VEPH1: variants seen among roughly 807,000 people sequenced by gnomAD.
The protein encoded by VEPH1 is ventricular zone-expressed PH domain-containing protein homolog 1.
Under a neutral mutation model 85.2 loss-of-function variants are expected in VEPH1, and 80 were observed. That is an observed-to-expected ratio of 0.94 (90% CI 0.78 to 1.13). The LOEUF (loss-of-function observed/expected upper bound fraction) is 1.13, where lower values mean the gene tolerates loss of function less well. Among genes scored for constraint, VEPH1 ranks in the 50% most tolerant of loss-of-function variants. The pLI is 0.00. For missense variants in VEPH1, 955 were observed against 980.5 expected, an observed-to-expected ratio of 0.97 and a Z score of 0.35; for synonymous variants, 297 against 348.0, an observed-to-expected ratio of 0.85 and a Z score of 1.63.
rs766374612 is a variant in VEPH1, at chr3:157,428,349, A to G, written c.669T>C (p.His223=). ...PEQYHLLRLL[H]VAAKKKQLEV... ...CGAGTTGTTTTTTCTTTGCTGCTAC[A>G]TGCAAAAGCCGTAGTAGATGGTACT... The change falls in exon 5 of 14, where the codon CAT becomes CAC. Residue 223 remains histidine (H), a synonymous_variant. Transcript: ENST00000362010. The G allele has an allele frequency of 1.9e-6, 3 of 1,614,044 alleles. No individual in the cohort carries two copies. The highest frequency in any genetic ancestry group is 2.2e-5 in the East Asian group (1 of 44,892).
At chr3:157,313,545 G>C (rs1479448498) in intron 11 of VEPH1, 76 bp downstream of exon 11, 6 of 1,491,862 alleles carry the variant, frequency 4.0e-6, no homozygotes, top group Non-Finnish European at 5.4e-6. Context: ...AAATTTAATT[G>C]CTAAAAAAAA....
chr3:157,416,705 C>T (rs1731937213), intron 5 of VEPH1, among the ~76,000 whole-genome samples: 1 of 151,850 alleles, frequency 6.6e-6, no homozygotes, highest in Admixed American at 6.6e-5. Context: ...TGATACGTCC[C>T]AAGCTACACA....
intron 1 of VEPH1, among the ~76,000 whole-genome samples, chr3:157,500,578 C>T (rs1329833934): frequency 6.6e-6 from 1 of 152,158 alleles, no homozygotes; most frequent in Non-Finnish European, 1.5e-5. Flanking sequence ...TCCAGTCATT[C>T]ATGAGTAGCT....
Position 157,261,196 on chromosome 3 carries a change from T to G in VEPH1, c.2440A>C (p.Ile814Leu), listed in dbSNP as rs1207575091. The G allele has an allele frequency of 6.2e-7, 1 of 1,613,898 alleles. No individual in the cohort carries two copies. The highest frequency in any genetic ancestry group is 8.5e-7 in the Non-Finnish European group (1 of 1,179,794). ...EKNAEEWLQCINVAVAQAKER... is the reference protein window; with the variant it reads ...EKNAEEWLQCLNVAVAQAKER... ...TTGGCTTGGGCAACTGCCACGTTGA[T>G]GCACTGGAGCCATTCTTCTGCATTC... is the stretch of plus-strand genomic sequence containing the variant. The change falls in exon 14 of 14, where the codon ATC (isoleucine) becomes CTC (leucine). Residue 814 changes from isoleucine to leucine, a missense_variant. By Grantham distance (5) the Ile-to-Leu change is conservative. Coordinates refer to ENST00000362010, the MANE Select transcript of VEPH1 (RefSeq NM_001167912.2).
rs528009946 is a variant in VEPH1 at position 157,440,753 on chromosome 3, C to T, written c.530-12265G>A. ...TTCCCAGGGACACGTAAAAGGTTTT[C>T]GTTTCAGCATCTCCAGCTTCCCAAA... On this transcript the variant is annotated intron_variant, in intron 4 of 13. Transcript: ENST00000362010. Among the ~76,000 whole-genome samples, 64 of 152,132 alleles carry T rather than the reference C, an allele frequency of 4.2e-4. No individual in the cohort carries two copies. In the South Asian group the frequency reaches 9.5e-3, roughly 23 times the overall value.
At position 157,363,704 on chromosome 3, in the gene VEPH1, G is replaced by A. The variant is rs575744014; in HGVS notation, c.1395C>T (p.Gly465=). Residue 465 remains glycine (G), a synonymous_variant, in exon 9 of 14, where the codon GGC becomes GGT. Transcript: ENST00000362010. ...MLTKGVGSDD[G]EDENRGDIPA... ...GTATGTCTCCCCTGTTTTCATCTTC[G>A]CCGTCATCTGAACCCACACCCTTTG... The A allele has an allele frequency of 1.4e-4, 231 of 1,613,952 alleles. 2 individuals are homozygous for A. In the South Asian group the frequency reaches 2.2e-3, roughly 15 times the overall value.
intron 4 of VEPH1, 58 bp from the exon 5 acceptor site, chr3:157,428,546 A>C: frequency 6.5e-7 from 1 of 1,527,436 alleles, no homozygotes; most frequent in African/African-American, 1.4e-5. Context: ...CAACAGAAAT[A>C]ACATTATTAC....
intron 4 of VEPH1, among the ~76,000 whole-genome samples, chr3:157,439,640 G>A (rs1286947869): frequency 6.6e-6 from 1 of 152,222 alleles, no homozygotes; most frequent in Non-Finnish European, 1.5e-5. Context: ...GGGAAGCTGA[G>A]TCTCTGAGAT....
chr3:157,446,093 G>A (rs181519981), intron 4 of VEPH1, among the ~76,000 whole-genome samples: 1 of 152,160 alleles, frequency 6.6e-6, no homozygotes, highest in East Asian at 1.9e-4. Context: ...TACTTATTGC[G>A]ACATCACCAT....
intron 2 of VEPH1, among the ~76,000 whole-genome samples, chr3:157,487,425 G>A (rs1738751957): frequency 1.3e-5 from 2 of 152,158 alleles, no homozygotes; most frequent in South Asian, 4.1e-4. Context: ...GATTGAATCA[G>A]TAGTTTAAAA....
intron 9 of VEPH1, among the ~76,000 whole-genome samples, chr3:157,328,970 T>C (rs1722218258): frequency 6.6e-6 from 1 of 152,170 alleles, no homozygotes; most frequent in Admixed American, 6.5e-5. Flanking sequence ...CAACTGGCAG[T>C]CCAGACAAAT....
intron 1 of VEPH1, among the ~76,000 whole-genome samples, chr3:157,501,940 T>A (rs1740148242): frequency 6.6e-6 from 1 of 152,214 alleles, no homozygotes; most frequent in Non-Finnish European, 1.5e-5. Flanking sequence ...GTTCTCAGAT[T>A]TTTCCCTTGA....
chr3:157,444,030 C>T (rs1734348311), intron 4 of VEPH1, among the ~76,000 whole-genome samples: 1 of 152,126 alleles, frequency 6.6e-6, no homozygotes, highest in African/African-American at 2.4e-5. Context: ...GAACTCCTGC[C>T]CTGAAAGCAC....
chr3:157,393,577 A>G (rs1042619137), intron 6 of VEPH1, among the ~76,000 whole-genome samples: 1 of 152,214 alleles, frequency 6.6e-6, no homozygotes, highest in African/African-American at 2.4e-5. Context: ...CAGGTATACT[A>G]TTTGGCACAT....
chr3:157,502,028 T>C (rs1740154118), intron 1 of VEPH1, among the ~76,000 whole-genome samples: 1 of 152,194 alleles, frequency 6.6e-6, no homozygotes, highest in African/African-American at 2.4e-5. Context: ...CCCATGGGAA[T>C]TGGCTGCATA....
intron 2 of VEPH1, among the ~76,000 whole-genome samples, chr3:157,492,361 AT>A (rs1483979917): frequency 1.3e-5 from 2 of 152,174 alleles, no homozygotes; most frequent in Admixed American, 6.5e-5. Flanking sequence ...TCTAATTTAT[AT>A]TTCCAAGTCT....
intron 4 of VEPH1, among the ~76,000 whole-genome samples, chr3:157,447,083 A>G (rs1042690679): frequency 2.6e-5 from 4 of 152,250 alleles, no homozygotes; most frequent in African/African-American, 4.8e-5. Context: ...TTTTCAGTGG[A>G]TTGAAACTAA....
At chr3:157,354,743 T>C (rs1725242890) in intron 9 of VEPH1, among the ~76,000 whole-genome samples, 1 of 152,222 alleles carries the variant, frequency 6.6e-6, no homozygotes, top group Non-Finnish European at 1.5e-5. Flanking sequence ...GGGAGAGATT[T>C]GCTTTTGTTT....
At chr3:157,398,413 A>T (rs1730575336) in intron 6 of VEPH1, among the ~76,000 whole-genome samples, 1 of 152,168 alleles carries the variant, frequency 6.6e-6, no homozygotes, top group African/African-American at 2.4e-5. Flanking sequence ...AGGCGTGTGG[A>T]TCACGAGGTC....
Sources: gnomAD v4.1 joint callset for allele counts (sites outside exome capture counted in the v4.1 genomes callset) on GRCh38, gnomAD v4.1.1 for gene constraint, MANE v1.5 for transcripts, NCBI Gene and HGNC (gene_info 2026-07-23, HGNC 2026-07-21) for gene names.